CLASP1: variants seen among roughly 807,000 people sequenced by gnomAD.
The protein encoded by CLASP1 is cytoplasmic linker associated protein 1.
CLASP1 carries 38 observed loss-of-function variants against 192.3 expected under a neutral mutation model. The ratio of observed to expected loss-of-function variants is 0.20; its 90% CI spans 0.15 to 0.26. CLASP1 has a LOEUF of 0.26. Among genes scored for constraint, CLASP1 ranks in the 10% least tolerant of loss-of-function variants. The pLI is 1.00. For missense variants in CLASP1, 1,433 were observed against 1,932.5 expected, an observed-to-expected ratio of 0.74 and a Z score of 4.85; for synonymous variants, 691 against 712.8, an observed-to-expected ratio of 0.97 and a Z score of 0.49.
intron 10 of CLASP1, among the ~76,000 whole-genome samples, chr2:121,461,733 T>A (rs1464061186): frequency 6.6e-6 from 1 of 151,998 alleles, no homozygotes; most frequent in Non-Finnish European, 1.5e-5. Context: ...CAGGATGGAG[T>A]GCAGTGGCGC....
chr2:121,418,818 T>A, intron 22 of CLASP1, 89 bp from the exon 23 acceptor site: 1 of 955,158 alleles, frequency 1.0e-6, no homozygotes, highest in Non-Finnish European at 1.7e-6. Context: ...ATTTGGTTAA[T>A]GTAATTACGA....
rs542648174 is a variant in CLASP1 at position 121,397,027 on chromosome 2, C to T, written c.3123+113G>A. On this transcript the variant is annotated intron_variant, in intron 30 of 39. Transcript: ENST00000263710. ...AGAGAGAAAAGGGCAACAGCAGAGC[C>T]TTAGTGATATAGGTTTGTGGGTGGG... 271 of 979,996 alleles carry T rather than the reference C, an allele frequency of 2.8e-4. 3 individuals are homozygous for T. Among genetic ancestry groups the T allele is most frequent in the Admixed American group, 6.1e-4 (30 of 49,242 alleles). 60.7% of individuals were successfully genotyped at this position (979,996 alleles called of 1,614,324 possible).
intron 1 of CLASP1, among the ~76,000 whole-genome samples, chr2:121,626,381 A>C (rs2068371416): frequency 6.6e-6 from 1 of 152,206 alleles, no homozygotes; most frequent in African/African-American, 2.4e-5. Flanking sequence ...TCATCAATAA[A>C]ATAAGTATAG....
intron 8 of CLASP1, among the ~76,000 whole-genome samples, chr2:121,478,992 CCACACACACACCACACACA>C (rs2092315192): frequency 1.6e-5 from 1 of 63,358 alleles, no homozygotes; most frequent in Non-Finnish European, 3.0e-5. Flanking sequence ...ACCACACACC[CCACACACACACCACACACA>C]CACACCACAC....
intron 8 of CLASP1, among the ~76,000 whole-genome samples, chr2:121,488,853 G>C (rs1282779329): frequency 6.6e-6 from 1 of 152,062 alleles, no homozygotes; most frequent in Non-Finnish European, 1.5e-5. Context: ...AGTTACTGAG[G>C]GTAAAAGTTA....
intron 1 of CLASP1, among the ~76,000 whole-genome samples, chr2:121,633,008 A>G (rs1176773284): frequency 1.0e-5 from 1 of 95,878 alleles, no homozygotes; most frequent in African/African-American, 5.5e-5. Flanking sequence ...ATGTGTGTGC[A>G]TATATATATA....
intron 2 of CLASP1, 122 bp from the exon 3 acceptor site, chr2:121,530,447 G>A (rs1037665103): frequency 1.4e-5 from 9 of 661,920 alleles, no homozygotes; most frequent in Non-Finnish European, 2.4e-5. Flanking sequence ...CCAGACGCAT[G>A]CCGACTGGAG....
At chr2:121,376,014 TAAAA>T (rs1321692694) in intron 34 of CLASP1, among the ~76,000 whole-genome samples, 1 of 152,174 alleles carries the variant, frequency 6.6e-6, no homozygotes, top group Non-Finnish European at 1.5e-5. Context: ...ATGGTTATTA[TAAAA>T]AAGACAAAAA....
chr2:121,396,838 G>A (rs1020442999), intron 30 of CLASP1, among the ~76,000 whole-genome samples: 2 of 152,242 alleles, frequency 1.3e-5, no homozygotes, highest in East Asian at 1.9e-4. Flanking sequence ...TTCAAAGTAC[G>A]TATTACAAAC....
chr2:121,414,172 A>G (rs1425374527), intron 23 of CLASP1, among the ~76,000 whole-genome samples: 1 of 152,182 alleles, frequency 6.6e-6, no homozygotes, highest in Non-Finnish European at 1.5e-5. Context: ...CAGTGGAGAG[A>G]GCACTAGTGG....
At chr2:121,582,647 G>A (rs2061328134) in intron 2 of CLASP1, among the ~76,000 whole-genome samples, 1 of 151,288 alleles carries the variant, frequency 6.6e-6, no homozygotes, top group South Asian at 2.1e-4. Context: ...GGGAGAGAGA[G>A]GGAGAGAGAG....
exon 10 of CLASP1, chr2:121,462,560 T>C: frequency 6.2e-7 from 1 of 1,604,826 alleles, no homozygotes; most frequent in Non-Finnish European, 8.5e-7. Context: ...ATCAAATGCT[T>C]TAATAAAATC....
chr2:121,492,649 C>A (rs1199731741), intron 8 of CLASP1, among the ~76,000 whole-genome samples: 6 of 146,834 alleles, frequency 4.1e-5, no homozygotes, highest in Non-Finnish European at 7.4e-5. Flanking sequence ...TTCATAATTA[C>A]TAGGGTGACT....
intron 8 of CLASP1, among the ~76,000 whole-genome samples, chr2:121,477,366 T>C (rs114082231): frequency 0.01 from 1,559 of 152,306 alleles, 27 homozygotes; most frequent in African/African-American, 0.035. Context: ...GCTATGAAAA[T>C]AACTGAAGAC....
intron 2 of CLASP1, among the ~76,000 whole-genome samples, chr2:121,567,581 G>T (rs1217401551): frequency 6.6e-6 from 1 of 152,194 alleles, no homozygotes; most frequent in Non-Finnish European, 1.5e-5. Context: ...TGTAATGTAC[G>T]ACACGAGGTC....
intron 2 of CLASP1, among the ~76,000 whole-genome samples, chr2:121,540,311 A>G (rs2095201507): frequency 6.6e-6 from 1 of 152,228 alleles, no homozygotes; most frequent in Non-Finnish European, 1.5e-5. Context: ...ATGAATCAAA[A>G]GGCCAGAAAC....
rs372297124 is a variant in CLASP1 at position 121,523,249 on chromosome 2, C to G, written c.546+2596G>C. On this transcript the variant is annotated intron_variant, in intron 6 of 39. Transcript: ENST00000263710. ...ACAGTATGTCAAACTGTTAAAGACT[C>G]GACATTATCTTAAACTCTTAAACAA... Among the ~76,000 whole-genome samples the G allele has an allele frequency of 1.8e-3, 281 of 152,310 alleles. 1 individual carries two copies. Among genetic ancestry groups the G allele is most frequent in the Non-Finnish European group, 3.2e-3 (215 of 68,030 alleles).
chr2:121,632,663 G>A lies in CLASP1; in HGVS notation c.-286+16709C>T, dbSNP rs569955730. Among the ~76,000 whole-genome samples, 7 of 152,202 alleles carry A rather than the reference G, an allele frequency of 4.6e-5. No individual in the cohort carries two copies. The South Asian group carries it at 8.3e-4, about 18-fold the overall frequency. ...TGTAAACCCAACACTTTGAGAGGCC[G>A]AGGTTGGCAGATCACCTGAGGTCAG... is the stretch of plus-strand genomic sequence containing the variant. On this transcript the variant is annotated intron_variant, in intron 1 of 39. Transcript: ENST00000263710.
chr2:121,636,338 AAATAATAATAAT>A lies in CLASP1; in HGVS notation c.-286+13022_-286+13033del, dbSNP rs58688393. ...GTGACAGAGTGAGACTCCATTTCAAAAATAATAATAATAATAATAATAATAATAATAATAATA... is the reference window on the plus strand; with the variant it reads ...GTGACAGAGTGAGACTCCATTTCAAAAATAATAATAATAATAATAATAATA... On this transcript the variant is annotated intron_variant, in intron 1 of 39. Coordinates refer to ENST00000263710, the Ensembl canonical transcript of CLASP1. 3.5e-4 allele frequency among the ~76,000 whole-genome samples: 48 copies of A among 138,162 alleles called. 1 individual carries two copies. Among genetic ancestry groups the A allele is most frequent in the Middle Eastern group, 3.7e-3 (1 of 272 alleles). 90.6% of individuals were successfully genotyped at this position (138,162 alleles called of 152,430 possible). A position where few individuals can be genotyped will look rare whatever the true frequency, so the allele number is the denominator to read the frequency against.
Sources: allele counts gnomAD v4.1 joint callset (sites outside exome capture counted in the v4.1 genomes callset), GRCh38; gene constraint gnomAD v4.1.1; transcripts MANE v1.5; gene names NCBI Gene and HGNC (gene_info 2026-07-23, HGNC 2026-07-21).